HIVEP1: variants seen among roughly 807,000 people sequenced by gnomAD.
HIVEP1 encodes the protein zinc finger protein 40.
HIVEP1 carries 36 observed loss-of-function variants against 180.0 expected under a neutral mutation model. The observed-to-expected ratio is 0.20, with a 90% CI of 0.15 to 0.26. The LOEUF is 0.26. HIVEP1 is among the 10% of genes least tolerant of loss of function. HIVEP1 has a pLI of 1.00. For missense variants in HIVEP1, 3,143 were observed against 3,268.7 expected, an observed-to-expected ratio of 0.96 and a Z score of 0.94; for synonymous variants, 1,239 against 1,239.0, an observed-to-expected ratio of 1.00 and a Z score of 0.00.
intron 2 of HIVEP1, chr6:12,039,289 C>G (rs1055617602): frequency 1.3e-5 from 2 of 152,170 alleles, no homozygotes; most frequent in Non-Finnish European, 2.9e-5. Context: ...TTTTCTCTAC[C>G]AGTTTTCTCT....
At chr6:12,055,572 T>C (rs945210413) in intron 2 of HIVEP1, among the ~76,000 whole-genome samples, 1 of 152,242 alleles carries the variant, frequency 6.6e-6, no homozygotes, top group Non-Finnish European at 1.5e-5. Flanking sequence ...AACCGGAGGA[T>C]ACAATATGGA....
At chr6:12,096,857 AT>A (rs1773812373) in intron 3 of HIVEP1, among the ~76,000 whole-genome samples, 1 of 152,062 alleles carries the variant, frequency 6.6e-6, no homozygotes, top group Non-Finnish European at 1.5e-5. Flanking sequence ...AGATGGACAG[AT>A]TTTATTAAAT....
intron 3 of HIVEP1, among the ~76,000 whole-genome samples, chr6:12,115,350 CTTTTTTTTTTT>C (rs34074662): frequency 4.4e-4 from 33 of 75,296 alleles, no homozygotes; most frequent in South Asian, 5.8e-4. Context: ...CCCAACTATT[CTTTTTTTTTTT>C]TTTTTTTTTT....
chr6:12,167,657 T>TATATATACATATATACATATATGTGTATA (rs1760751746), downstream of HIVEP1, among the ~76,000 whole-genome samples: 6 of 79,652 alleles, frequency 7.5e-5, no homozygotes, highest in South Asian at 1.5e-3. Context: ...ATATATATGT[T>TATATATACATATATACATATATGTGTATA]ATATATACAT....
intron 2 of HIVEP1, among the ~76,000 whole-genome samples, chr6:12,021,474 T>C (rs1001784103): frequency 1.3e-5 from 2 of 152,206 alleles, no homozygotes; most frequent in African/African-American, 2.4e-5. Context: ...TTTTCTGTTC[T>C]CTTGTCAGAT....
chr6:12,107,921 C>T lies in HIVEP1; in HGVS notation c.95-11969C>T, dbSNP rs550436277. Among the ~76,000 whole-genome samples the T allele has an allele frequency of 8.4e-4, 128 of 152,126 alleles. 1 individual carries two copies. Among genetic ancestry groups the T allele is most frequent in the Non-Finnish European group, 1.6e-3 (111 of 68,024 alleles). On this transcript the variant is annotated intron_variant, in intron 3 of 8. Transcript: ENST00000379388. ...CTGAGCTAGACACAAAGGTTCTCCA[C>T]GTCCCCACCAGATTAGCTAGATACA... is the stretch of plus-strand genomic sequence containing the variant.
downstream of HIVEP1, among the ~76,000 whole-genome samples, chr6:12,169,597 CTT>C (rs1361728312): frequency 1.3e-5 from 2 of 152,228 alleles, no homozygotes; most frequent in East Asian, 1.9e-4. Flanking sequence ...AGACCACAGA[CTT>C]TAAAAATGTA....
chr6:12,091,857 A>G (rs1241920721), intron 3 of HIVEP1, among the ~76,000 whole-genome samples: 5 of 152,274 alleles, frequency 3.3e-5, no homozygotes, highest in Non-Finnish European at 5.9e-5. Flanking sequence ...TGTGCTTGAC[A>G]CTATTTTTAA....
At chr6:12,066,263 T>G (rs1561905907) in intron 2 of HIVEP1, among the ~76,000 whole-genome samples, 1 of 152,218 alleles carries the variant, frequency 6.6e-6, no homozygotes, top group Non-Finnish European at 1.5e-5. Context: ...ACATGTATCT[T>G]AGGGAGTTTA....
the HIVEP1 span, among the ~76,000 whole-genome samples, chr6:12,187,386 C>T: frequency 6.6e-6 from 1 of 151,912 alleles, no homozygotes; most frequent in African/African-American, 2.4e-5. Context: ...GTGAGTTCTC[C>T]CTCTGTTAGT....
At position 12,090,735 on chromosome 6, in the gene HIVEP1, C is replaced by CTTTTT. The variant is rs35266647; in HGVS notation, c.94+1518_94+1522dup. Among the ~76,000 whole-genome samples the CTTTTT allele has an allele frequency of 4.1e-3, 342 of 82,410 alleles. 10 individuals carry two copies. Among genetic ancestry groups the CTTTTT allele is most frequent in the East Asian group, 0.012 (29 of 2,358 alleles). The allele number at this position is 82,410 out of a possible 152,430, so 54.1% of individuals were successfully genotyped here. On this transcript the variant is annotated intron_variant, in intron 3 of 8. Transcript: ENST00000379388. ...AAAGTTTTCTTTCTCTATAGCCAGC[C>CTTTTT]TTTTTTTTTTTTTTTTTTTTTTTTA...
intron 6 of HIVEP1, among the ~76,000 whole-genome samples, chr6:12,133,940 T>G (rs1320309392): frequency 2.0e-5 from 3 of 150,296 alleles, no homozygotes; most frequent in Non-Finnish European, 4.4e-5. Context: ...ATCTCGCCAC[T>G]GCACTCCAGC....
At chr6:12,067,614 A>G (rs1390923400) in intron 2 of HIVEP1, among the ~76,000 whole-genome samples, 1 of 152,120 alleles carries the variant, frequency 6.6e-6, no homozygotes, top group Non-Finnish European at 1.5e-5. Context: ...TCTGATGCCA[A>G]GCTGGAGATT....
chr6:12,016,982 C>T (rs147609318), intron 2 of HIVEP1, among the ~76,000 whole-genome samples: 1 of 152,312 alleles, frequency 6.6e-6, no homozygotes, highest in Non-Finnish European at 1.5e-5. Context: ...TGAGCAGCAG[C>T]CCTAGCCCAG....
chr6:12,081,059 C>G (rs1011236493), intron 2 of HIVEP1, among the ~76,000 whole-genome samples: 18 of 152,138 alleles, frequency 1.2e-4, no homozygotes, highest in Non-Finnish European at 2.5e-4. Context: ...CACTGCCTTT[C>G]TAGCCTCTAT....
the HIVEP1 span, among the ~76,000 whole-genome samples, chr6:12,194,612 G>T: frequency 6.6e-6 from 1 of 152,130 alleles, no homozygotes; most frequent in Non-Finnish European, 1.5e-5. Flanking sequence ...GACCAGCCTG[G>T]CCAACATGCT....
intron 7 of HIVEP1, among the ~76,000 whole-genome samples, chr6:12,158,453 C>T (rs1760190486): frequency 6.6e-6 from 1 of 152,172 alleles, no homozygotes; most frequent in Admixed American, 6.5e-5. Context: ...CACTATGCCT[C>T]AGAAAGGGTC....
intron 7 of HIVEP1, among the ~76,000 whole-genome samples, chr6:12,144,789 A>G (rs559744270): frequency 6.6e-6 from 1 of 152,376 alleles, no homozygotes; most frequent in South Asian, 2.1e-4. Context: ...ATCACTGGTC[A>G]TCAGAGAAAT....
At chr6:12,046,270 G>C (rs1650294074) in intron 2 of HIVEP1, among the ~76,000 whole-genome samples, 1 of 152,184 alleles carries the variant, frequency 6.6e-6, no homozygotes, top group Admixed American at 6.5e-5. Context: ...TATTTTGTCT[G>C]TGTTATTAGG....
Sources: allele counts gnomAD v4.1 joint callset (sites outside exome capture counted in the v4.1 genomes callset), GRCh38; gene constraint gnomAD v4.1.1; transcripts MANE v1.5; gene names NCBI Gene and HGNC (gene_info 2026-07-23, HGNC 2026-07-21).